The following MED13L variants were observed in gnomAD, a reference collection of about 807,000 sequenced individuals.
The protein encoded by MED13L is mediator of RNA polymerase II transcription subunit 13-like.
A neutral mutation model predicts 220.9 loss-of-function variants in MED13L; 7 were observed. The observed-to-expected ratio is 0.03, with a 90% CI of 0.02 to 0.06. The LOEUF (loss-of-function observed/expected upper bound fraction) is 0.06, where lower values mean the gene tolerates loss of function less well. MED13L is among the 10% of genes least tolerant of loss of function. MED13L has a pLI of 1.00. For missense variants in MED13L, 1,965 were observed against 2,760.5 expected (o/e 0.71, Z 6.46); for synonymous variants, 1,011 against 1,015.2 (o/e 1.00, Z 0.08).
intron 23 of MED13L, among the ~76,000 whole-genome samples, chr12:115,980,020 C>T (rs1409440844): frequency 1.3e-5 from 2 of 152,156 alleles, no homozygotes; most frequent in Admixed American, 1.3e-4. Context: ...TCAACTTCCT[C>T]TAAGTATGTG....
intron 19 of MED13L, among the ~76,000 whole-genome samples, chr12:115,985,030 T>C (rs1258232159): frequency 6.6e-6 from 1 of 152,142 alleles, no homozygotes; most frequent in Non-Finnish European, 1.5e-5. Flanking sequence ...GTAGATGAAG[T>C]GAAGGCTTAC....
chr12:116,042,003 A>G (rs1222123940), intron 4 of MED13L, among the ~76,000 whole-genome samples: 3 of 152,248 alleles, frequency 2.0e-5, no homozygotes, highest in African/African-American at 4.8e-5. Context: ...GTTATACTCA[A>G]GTACACCATG....
chr12:116,159,344 G>A (rs1878682528), intron 2 of MED13L, among the ~76,000 whole-genome samples: 1 of 152,142 alleles, frequency 6.6e-6, no homozygotes, highest in African/African-American at 2.4e-5. Context: ...CTGGCTGTCT[G>A]CCCAGAGAAT....
chr12:116,015,518 G>C (rs1879674874), intron 7 of MED13L, among the ~76,000 whole-genome samples: 1 of 151,960 alleles, frequency 6.6e-6, no homozygotes, highest in Admixed American at 6.6e-5. Flanking sequence ...TTAATCAGAT[G>C]AACACTCACA....
chr12:116,248,864 C>T (rs926618648), intron 1 of MED13L, among the ~76,000 whole-genome samples: 1 of 152,130 alleles, frequency 6.6e-6, no homozygotes, highest in Non-Finnish European at 1.5e-5. Context: ...TATAAACAAC[C>T]AGAAAACTGG....
intron 2 of MED13L, among the ~76,000 whole-genome samples, chr12:116,123,129 C>A (rs918038497): frequency 1.3e-5 from 2 of 152,078 alleles, no homozygotes; most frequent in African/African-American, 4.8e-5. Flanking sequence ...AAACAAGGGT[C>A]CAGAAGGATT....
chr12:115,991,152 T>C lies in MED13L; in HGVS notation c.3802A>G (p.Asn1268Asp), dbSNP rs758996927. The C allele has an allele frequency of 6.1e-5, 98 of 1,614,070 alleles. No homozygotes were observed. Among genetic ancestry groups the C allele is most frequent in the Non-Finnish European group, 8.1e-5 (95 of 1,180,040 alleles). The change falls in exon 17 of 31, where the codon AAT becomes GAT. Residue 1268 changes from asparagine (N) to aspartate (D), a missense_variant. Asn to Asp is a conservative substitution (Grantham distance 23). Around this residue, in one of 10 missense-constraint regions of MED13L, gnomAD observed 165 missense variants for 190.8 expected, o/e 0.86. Coordinates refer to ENST00000281928, the MANE Select transcript of MED13L (RefSeq NM_015335.5). The surrounding 1 kb of genome is among the most constrained non-coding windows in gnomAD (Gnocchi z 7.7). Reference protein sequence around the residue: ...SWSYDRVQADNNDYWTECFNA... With the variant: ...SWSYDRVQADDNDYWTECFNA... ...AAGCATTCCGTCCAGTAATCATTATTATCTGCTTGCACCCGGTCATAACTC... is the reference window on the plus strand; with the variant it reads ...AAGCATTCCGTCCAGTAATCATTATCATCTGCTTGCACCCGGTCATAACTC...
chr12:115,980,632 C>G (rs1286225997), intron 23 of MED13L, 118 bp downstream of exon 23: 8 of 1,102,922 alleles, frequency 7.3e-6, no homozygotes, highest in Non-Finnish European at 1.1e-5. Flanking sequence ...CCTAGCAACT[C>G]TTATATCAAT....
chr12:115,975,902 A>G (rs974587540), intron 23 of MED13L, among the ~76,000 whole-genome samples, 164 bp from the exon 24 acceptor site: 1 of 152,312 alleles, frequency 6.6e-6, no homozygotes, highest in African/African-American at 2.4e-5. Context: ...CTGAGGACAC[A>G]TAACAAAATG....
chr12:115,970,801 CA>C, intron 26 of MED13L, 31 bp from the exon 27 acceptor site: 1 of 1,598,270 alleles, frequency 6.3e-7, no homozygotes, highest in South Asian at 1.1e-5. Context: ...TTATATCAAT[CA>C]ATGAACAACC....
intron 2 of MED13L, among the ~76,000 whole-genome samples, chr12:116,137,402 G>A (rs1876651378): frequency 6.6e-6 from 1 of 152,044 alleles, no homozygotes; most frequent in Non-Finnish European, 1.5e-5. Context: ...CAAGTAACAG[G>A]AATTATGTAA....
chr12:116,269,466 CAAAAAAAAAAA>C (rs34100053), intron 1 of MED13L, among the ~76,000 whole-genome samples: 9 of 69,136 alleles, frequency 1.3e-4, no homozygotes, highest in Admixed American at 7.6e-4. Flanking sequence ...TTAAACTATG[CAAAAAAAAAAA>C]AAAAAAAAAA....
chr12:115,986,250 A>C lies in MED13L; in HGVS notation c.4338+16T>G. On this transcript the variant is annotated intron_variant, in intron 19 of 30. Coordinates refer to ENST00000281928, the MANE Select transcript of MED13L (RefSeq NM_015335.5). The stretch of plus-strand genomic sequence containing the variant: ...ATCCAAGTCATAAAAAGCAATTTTC[A>C]CAGTAACTTCCTCACCTCGTATACA... 2 of 1,610,304 alleles carry C rather than the reference A, an allele frequency of 1.2e-6. No individual in the cohort carries two copies. Among genetic ancestry groups the C allele is most frequent in the African/African-American group, 2.7e-5 (2 of 74,964 alleles).
intron 4 of MED13L, among the ~76,000 whole-genome samples, chr12:116,082,073 A>G (rs952921182): frequency 4.6e-5 from 7 of 152,216 alleles, no homozygotes; most frequent in African/African-American, 1.7e-4. Flanking sequence ...CTAAGGACAA[A>G]AGAATAAATG....
intron 2 of MED13L, among the ~76,000 whole-genome samples, chr12:116,179,696 T>TA (rs1011767230): frequency 2.0e-5 from 3 of 151,472 alleles, no homozygotes; most frequent in Non-Finnish European, 4.4e-5. Flanking sequence ...TAACCTTTTT[T>TA]TTTTTAAAGG....
intron 1 of MED13L, among the ~76,000 whole-genome samples, chr12:116,269,466 C>CAAAAAAAAAAAAAAA (rs34100053): frequency 1.4e-5 from 1 of 69,136 alleles, no homozygotes. Flanking sequence ...TTAAACTATG[C>CAAAAAAAAAAAAAAA]AAAAAAAAAA....
chr12:116,196,561 T>C (rs1306234744), intron 2 of MED13L, among the ~76,000 whole-genome samples: 3 of 152,182 alleles, frequency 2.0e-5, no homozygotes, highest in Non-Finnish European at 4.4e-5. Context: ...GATTACAGAA[T>C]TGAGTAACAG....
rs1000493002 is a variant in MED13L, at chr12:116,207,724, C to T, written c.310+29744G>A. ...TGATATTAAGTAAAAACCTTGTAGTCCTGAACTTGAATTGCCAAGTATCAG... is the reference window on the plus strand; with the variant it reads ...TGATATTAAGTAAAAACCTTGTAGTTCTGAACTTGAATTGCCAAGTATCAG... On this transcript the variant is annotated intron_variant, in intron 2 of 30. Transcript: ENST00000281928. 4.6e-5 allele frequency among the ~76,000 whole-genome samples: 7 copies of T among 151,794 alleles called. No homozygotes were observed. The South Asian group carries it at 1.2e-3, about 27-fold the overall frequency.
Position 116,012,787 on chromosome 12 carries a change from T to G in MED13L, c.1280+10A>C, listed in dbSNP as rs1242532361. 1.2e-6 allele frequency: 2 copies of G among 1,600,170 alleles called. No homozygotes were observed. Among genetic ancestry groups the G allele is most frequent in the South Asian group, 2.2e-5 (2 of 90,808 alleles). On this transcript the variant is annotated intron_variant, in intron 9 of 30. Transcript: ENST00000281928. ...CGATCCATTACTATTTTGCCTTTTT[T>G]ATTACCTACCTGGAACAAGAACAGC...
Sources: gnomAD v4.1 joint callset for allele counts (sites outside exome capture counted in the v4.1 genomes callset) on GRCh38, gnomAD v4.1.1 for gene constraint, gnomAD v4.1.1 regional missense constraint, Gnocchi (gnomAD v3.1) non-coding constraint, MANE v1.5 for transcripts, NCBI Gene and HGNC (gene_info 2026-07-23, HGNC 2026-07-21) for gene names.